The following SLC35F4 variants were observed in gnomAD, a reference collection of about 807,000 sequenced individuals.
SLC35F4 encodes chromosome 14 open reading frame 36.
Under a neutral mutation model 44.2 loss-of-function variants are expected in SLC35F4, and 24 were observed. That is an observed-to-expected ratio of 0.54 (90% CI 0.39 to 0.76). The LOEUF (loss-of-function observed/expected upper bound fraction) is 0.76. Among genes scored for constraint, SLC35F4 ranks in the 30% least tolerant of loss-of-function variants. The pLI, the probability that SLC35F4 is intolerant of heterozygous loss-of-function variation, is 0.00. For synonymous variants in SLC35F4, 238 were observed against 223.6 expected, an observed-to-expected ratio of 1.06 and a Z score of -0.57; for missense variants, 562 against 586.1, an observed-to-expected ratio of 0.96 and a Z score of 0.42.
In SLC35F4 at chr14:57,564,192, G is replaced by A; in HGVS notation, c.1401C>T (p.Ser467=). ...EEHVDDVTDP[S]IHLRGRGRAN... is the part of the protein sequence containing the mutation. ...CTCTGCCTCTGCCCCGCAGGTGTAT[G>A]CTGGGATCAGTCACATCATCCACAT... Residue 467 remains serine (S), a synonymous_variant, in exon 8 of 8, where the codon AGC becomes AGT. Coordinates refer to ENST00000556826, the MANE Select transcript of SLC35F4 (RefSeq NM_001306087.2). 4.3e-6 allele frequency: 7 copies of A among 1,613,638 alleles called. No homozygotes were observed. Among genetic ancestry groups the A allele is most frequent in the Non-Finnish European group, 5.9e-6 (7 of 1,179,794 alleles).
Position 57,583,843 on chromosome 14 carries a change from A to AT in SLC35F4, c.588-2411dup, listed in dbSNP as rs1178770780. Among the ~76,000 whole-genome samples, 3 of 152,250 alleles carry AT rather than the reference A, an allele frequency of 2.0e-5. No individual in the cohort carries two copies. The South Asian group carries it at 6.2e-4, about 32-fold the overall frequency. On this transcript the variant is annotated intron_variant, in intron 3 of 7. Coordinates refer to ENST00000556826, the MANE Select transcript of SLC35F4 (RefSeq NM_001306087.2). ...CATGAAAACTGAAAAAAAAATATGG[A>AT]TTTTTATGGAGAAGCGAATAACAGT...
At chr14:57,676,047 A>C (rs563386773) in intron 1 of SLC35F4, among the ~76,000 whole-genome samples, 1 of 152,192 alleles carries the variant, frequency 6.6e-6, no homozygotes, top group Non-Finnish European at 1.5e-5. Context: ...AGTGGAAGAA[A>C]ATATTCACAA....
chr14:57,954,190 C>A (rs1390442694), intron 1 of SLC35F4, among the ~76,000 whole-genome samples: 3 of 152,078 alleles, frequency 2.0e-5, no homozygotes, highest in Non-Finnish European at 2.9e-5. Context: ...GGGTAAATAA[C>A]AAAATTAAAG....
chr14:57,615,683 A>G (rs1440113970), intron 1 of SLC35F4, among the ~76,000 whole-genome samples: 1 of 152,072 alleles, frequency 6.6e-6, no homozygotes, highest in African/African-American at 2.4e-5. Context: ...TATTTTTAAG[A>G]GAAATTTCAG....
chr14:57,647,766 C>T (rs577952869), intron 1 of SLC35F4, among the ~76,000 whole-genome samples: 1 of 152,210 alleles, frequency 6.6e-6, no homozygotes, highest in East Asian at 1.9e-4. Context: ...TAACCAGAAT[C>T]CTCATCCTTC....
intron 1 of SLC35F4, among the ~76,000 whole-genome samples, chr14:57,843,287 A>G (rs1427402729): frequency 1.3e-5 from 2 of 152,064 alleles, no homozygotes; most frequent in African/African-American, 2.4e-5. Flanking sequence ...TCCTTCCTCT[A>G]ATTGCCCTGT....
chr14:57,724,071 T>C (rs1017217915), intron 1 of SLC35F4, among the ~76,000 whole-genome samples: 1 of 152,230 alleles, frequency 6.6e-6, no homozygotes, highest in Non-Finnish European at 1.5e-5. Flanking sequence ...CCTATTTGGA[T>C]TTTGAAGGCA....
At chr14:57,703,851 C>T (rs970374151) in intron 1 of SLC35F4, among the ~76,000 whole-genome samples, 1 of 152,094 alleles carries the variant, frequency 6.6e-6, no homozygotes, top group African/African-American at 2.4e-5. Flanking sequence ...AGCTTGAAAA[C>T]AAGTGCCTTA....
intron 1 of SLC35F4, among the ~76,000 whole-genome samples, chr14:57,897,273 T>C (rs1888893574): frequency 6.6e-6 from 1 of 152,172 alleles, no homozygotes; most frequent in South Asian, 2.1e-4. Context: ...CTCCTTAGCA[T>C]TGTGTGGGAA....
At chr14:57,876,106 T>A (rs1358649778) in intron 1 of SLC35F4, among the ~76,000 whole-genome samples, 1 of 152,300 alleles carries the variant, frequency 6.6e-6, no homozygotes, top group East Asian at 1.9e-4. Context: ...ATTCCAAACC[T>A]TTTGACTTCA....
chr14:57,623,041 C>T (rs894195956), intron 1 of SLC35F4, among the ~76,000 whole-genome samples: 24 of 152,132 alleles, frequency 1.6e-4, no homozygotes, highest in African/African-American at 5.8e-4. Context: ...AGTCAAGACC[C>T]ATCAGTGTGC....
chr14:57,615,756 C>A (rs1336356357), intron 1 of SLC35F4, among the ~76,000 whole-genome samples: 2 of 151,506 alleles, frequency 1.3e-5, no homozygotes, highest in African/African-American at 4.9e-5. Flanking sequence ...TTTTTAAAAT[C>A]CATGGCACCC....
At chr14:57,943,889 G>A (rs1192168497) in intron 1 of SLC35F4, among the ~76,000 whole-genome samples, 1 of 152,126 alleles carries the variant, frequency 6.6e-6, no homozygotes, top group Non-Finnish European at 1.5e-5. Flanking sequence ...GGAGTGAATT[G>A]GCAGGGCTGA....
chr14:57,565,282 T>G (rs1402806819), intron 7 of SLC35F4, among the ~76,000 whole-genome samples: 1 of 152,210 alleles, frequency 6.6e-6, no homozygotes, highest in African/African-American at 2.4e-5. Flanking sequence ...TGTACTGTTC[T>G]TTTTAGCATG....
At chr14:57,666,889 T>C (rs1479750840) in intron 1 of SLC35F4, among the ~76,000 whole-genome samples, 2 of 151,980 alleles carry the variant, frequency 1.3e-5, no homozygotes, top group Non-Finnish European at 2.9e-5. Flanking sequence ...CCTACAACAG[T>C]CTTTGCCCCC....
chr14:57,600,062 A>G (rs988136055), intron 1 of SLC35F4, among the ~76,000 whole-genome samples: 3 of 152,172 alleles, frequency 2.0e-5, no homozygotes, highest in Admixed American at 6.5e-5. Context: ...GAGTAAAGAA[A>G]AGACATCCAA....
intron 1 of SLC35F4, among the ~76,000 whole-genome samples, chr14:57,805,312 C>T (rs1881180485): frequency 1.3e-5 from 2 of 152,146 alleles, no homozygotes; most frequent in Non-Finnish European, 1.5e-5. Flanking sequence ...TATAAAGATA[C>T]ATGCATGCAT....
chr14:57,804,531 A>G (rs890497688), intron 1 of SLC35F4, among the ~76,000 whole-genome samples: 9 of 152,228 alleles, frequency 5.9e-5, no homozygotes, highest in Non-Finnish European at 8.8e-5. Context: ...AGGACTCCCT[A>G]TTTAATAAAT....
chr14:57,972,435 T>A (rs1161049951), downstream of SLC35F4, among the ~76,000 whole-genome samples: 2 of 151,988 alleles, frequency 1.3e-5, no homozygotes, highest in Non-Finnish European at 2.9e-5. Flanking sequence ...CAGGAAAGAT[T>A]TGAGCTAAAT....
Sources: allele counts gnomAD v4.1 joint callset (sites outside exome capture counted in the v4.1 genomes callset), GRCh38; gene constraint gnomAD v4.1.1; transcripts MANE v1.5; gene names NCBI Gene and HGNC (gene_info 2026-07-23, HGNC 2026-07-21).